The following INTS7 variants were observed in gnomAD, a reference collection of about 807,000 sequenced individuals.
INTS7 encodes the protein integrator complex subunit 7.
A neutral mutation model predicts 109.2 loss-of-function variants in INTS7; 46 were observed. The ratio of observed to expected loss-of-function variants is 0.42; its 90% CI spans 0.33 to 0.54. The LOEUF is 0.54. INTS7 is among the 20% of genes least tolerant of loss of function. INTS7 has a pLI of 0.07. For synonymous variants in INTS7, 412 were observed against 402.9 expected, an observed-to-expected ratio of 1.02 and a Z score of -0.27; for missense variants, 929 against 1,132.4, an observed-to-expected ratio of 0.82 and a Z score of 2.58.
chr1:212,006,348 C>T (rs777096680), intron 7 of INTS7, among the ~76,000 whole-genome samples: 10 of 152,102 alleles, frequency 6.6e-5, no homozygotes, highest in Non-Finnish European at 1.5e-4. Context: ...AATAAAAAAA[C>T]CAAACCAATG....
At chr1:212,000,315 T>C (rs965494683) in intron 7 of INTS7, among the ~76,000 whole-genome samples, 13 of 152,146 alleles carry the variant, frequency 8.5e-5, no homozygotes, top group Admixed American at 1.3e-4. Context: ...CAATAACATG[T>C]AGTGATTGGA....
chr1:211,971,920 AAAAAAAAAAAAAAAAAG>A lies in INTS7; in HGVS notation c.1815+3229_1816-3214del, dbSNP rs1348790700. Among the ~76,000 whole-genome samples the A allele has an allele frequency of 2.0e-3, 286 of 144,862 alleles. 1 individual carries two copies. Among genetic ancestry groups the A allele is most frequent in the African/African-American group, 7.2e-3 (266 of 37,070 alleles). On this transcript the variant is annotated intron_variant, in intron 13 of 19. Coordinates refer to ENST00000366994, the MANE Select transcript of INTS7 (RefSeq NM_015434.4). ...ACAAGAGTGAAACTCAGTCTCAAAA[AAAAAAAAAAAAAAAAAG>A]AAAAGAAAAGAAAAAGAAAAAGAAA...
chr1:212,018,317 CCA>C (rs962269029), intron 3 of INTS7, among the ~76,000 whole-genome samples: 5 of 151,900 alleles, frequency 3.3e-5, no homozygotes, highest in Admixed American at 6.6e-5. Context: ...TTATTGATAA[CCA>C]CAGTGCTTAA....
chr1:211,945,088 C>T (rs1662794715), intron 18 of INTS7, 119 bp from the exon 19 acceptor site: 3 of 840,242 alleles, frequency 3.6e-6, no homozygotes, highest in African/African-American at 1.7e-5. Context: ...TCCCCCACCC[C>T]CACAGGACCT....
Position 211,942,029 on chromosome 1 carries a change from T to G in INTS7, c.2684A>C (p.Asn895Thr). ...GTTGTGTGTTCCAAGGATAGCAAAGTTCAACAGAAATTGAGTACTGAAGTA... is the reference window on the plus strand; with the variant it reads ...GTTGTGTGTTCCAAGGATAGCAAAGGTCAACAGAAATTGAGTACTGAAGTA... ...NDYFSTQFLL[N>T]FAILGTHNIT... Residue 895 changes from asparagine to threonine, a missense_variant, in exon 20 of 20, where the codon AAC becomes ACC. By Grantham distance (65) the Asn-to-Thr change is moderately conservative. Coordinates refer to ENST00000366994, the MANE Select transcript of INTS7 (RefSeq NM_015434.4). The surrounding 1 kb of genome is among the most constrained non-coding windows in gnomAD (Gnocchi z 4.2). 1 of 1,614,196 alleles carries G rather than the reference T, an allele frequency of 6.2e-7. No homozygotes were observed. Among genetic ancestry groups the G allele is most frequent in the South Asian group, 1.1e-5 (1 of 91,082 alleles).
chr1:212,020,483 T>C (rs1476827797), intron 2 of INTS7, among the ~76,000 whole-genome samples: 2 of 152,238 alleles, frequency 1.3e-5, no homozygotes, highest in Admixed American at 1.3e-4. Context: ...GACACCAAAA[T>C]GGCAGTGACA....
At position 212,035,475 on chromosome 1, in the gene INTS7, T is replaced by C; in HGVS notation, c.-38A>G. The C allele has an allele frequency of 2.8e-6, 4 of 1,439,188 alleles. No homozygotes were observed. The South Asian group carries it at 4.6e-5, about 16-fold the overall frequency. 89.2% of individuals were successfully genotyped at this position (1,439,188 alleles called of 1,614,324 possible). A position where few individuals can be genotyped will look rare whatever the true frequency, so the allele number is the denominator to read the frequency against. ...TACTCGACTAGCCTAGTCAGAAAGC[T>C]TGCAAACTCTACCCCAGGACCGCCA... On this transcript the variant is annotated 5_prime_UTR_variant, in exon 1 of 20. Transcript: ENST00000366994.
chr1:211,976,920 A>G (rs1047600047), intron 11 of INTS7, among the ~76,000 whole-genome samples: 12 of 152,190 alleles, frequency 7.9e-5, no homozygotes, highest in African/African-American at 2.9e-4. Flanking sequence ...AACAGCAAAG[A>G]AGTAGAAGCA....
intron 19 of INTS7, among the ~76,000 whole-genome samples, chr1:211,944,260 G>A (rs1409265206): frequency 6.6e-6 from 1 of 152,200 alleles, no homozygotes. Flanking sequence ...ACCTCCTGAT[G>A]TAAGAGAGAC....
intron 7 of INTS7, among the ~76,000 whole-genome samples, chr1:211,993,090 A>T (rs2102446205): frequency 6.6e-6 from 1 of 152,372 alleles, no homozygotes; most frequent in South Asian, 2.1e-4. Context: ...AAAGTATAGT[A>T]AAAAGGAGTT....
Position 211,976,504 on chromosome 1 carries a change from C to T in INTS7, c.1608+78G>A, listed in dbSNP as rs1664428792. The T allele has an allele frequency of 8.6e-6, 11 of 1,282,064 alleles. No individual in the cohort carries two copies. The East Asian group carries it at 2.6e-4, about 31-fold the overall frequency. The allele number at this position is 1,282,064 out of a possible 1,614,324, so 79.4% of individuals were successfully genotyped here. On this transcript the variant is annotated intron_variant, in intron 12 of 19. Transcript: ENST00000366994. Reference sequence around the variant, plus strand: ...CCATCTTTATTTTTAGTTTTGACTACAACTAATAATCATACAATTGAAGAT... The same window carrying T: ...CCATCTTTATTTTTAGTTTTGACTATAACTAATAATCATACAATTGAAGAT...
intron 7 of INTS7, among the ~76,000 whole-genome samples, chr1:211,988,307 A>C (rs2102438634): frequency 1.3e-5 from 2 of 151,916 alleles, no homozygotes; most frequent in East Asian, 3.9e-4. Flanking sequence ...CTGTGGTCCC[A>C]GCTACTTGGG....
chr1:211,986,269 A>G (rs1248008083), intron 8 of INTS7, among the ~76,000 whole-genome samples: 1 of 152,190 alleles, frequency 6.6e-6, no homozygotes, highest in African/African-American at 2.4e-5. Flanking sequence ...CTGGTCATAC[A>G]TGACCATAAT....
chr1:212,030,126 C>G (rs1667088137), intron 1 of INTS7, among the ~76,000 whole-genome samples: 1 of 152,076 alleles, frequency 6.6e-6, no homozygotes, highest in Non-Finnish European at 1.5e-5. Flanking sequence ...AATTCCAAGA[C>G]AGTAAATCTT....
intron 16 of INTS7, among the ~76,000 whole-genome samples, chr1:211,962,648 A>G (rs555319366): frequency 6.6e-6 from 1 of 152,370 alleles, no homozygotes; most frequent in Non-Finnish European, 1.5e-5. Context: ...AATCTTCAGC[A>G]AATGAAAAAG....
chr1:211,964,630 C>A (rs1321060187), intron 16 of INTS7, among the ~76,000 whole-genome samples: 2 of 152,144 alleles, frequency 1.3e-5, no homozygotes, highest in Middle Eastern at 3.4e-3. Context: ...ACACACAGAC[C>A]AATGGAATAG....
chr1:211,955,889 T>G (rs976533642), intron 16 of INTS7, among the ~76,000 whole-genome samples: 5 of 152,234 alleles, frequency 3.3e-5, no homozygotes, highest in African/African-American at 9.6e-5. Flanking sequence ...TACTATATCT[T>G]AAGTTCTATT....
intron 11 of INTS7, among the ~76,000 whole-genome samples, chr1:211,977,678 T>C (rs1367559088): frequency 6.6e-6 from 1 of 152,224 alleles, no homozygotes; most frequent in East Asian, 1.9e-4. Context: ...TTATTTAGAA[T>C]GTAGCCTACT....
chr1:212,031,822 ACAAT>A (rs2102508258), intron 1 of INTS7, among the ~76,000 whole-genome samples: 1 of 152,362 alleles, frequency 6.6e-6, no homozygotes, highest in Admixed American at 6.5e-5. Flanking sequence ...GAGATCAGAA[ACAAT>A]CAGCTTACTG....
Sources: gnomAD v4.1 joint callset for allele counts (sites outside exome capture counted in the v4.1 genomes callset) on GRCh38, gnomAD v4.1.1 for gene constraint, Gnocchi (gnomAD v3.1) non-coding constraint, MANE v1.5 for transcripts, NCBI Gene and HGNC (gene_info 2026-07-23, HGNC 2026-07-21) for gene names.